Variants in ATF2 observed in about 807,000 individuals in gnomAD.
ATF2 encodes the protein activating transcription factor 2.
In ATF2, 24 loss-of-function variants were observed where a neutral mutation model predicts 60.6. The observed-to-expected ratio is 0.40, with a 90% CI of 0.29 to 0.56. The LOEUF is 0.56. Among genes scored for constraint, ATF2 ranks in the 20% least tolerant of loss-of-function variants. The pLI, the probability that ATF2 is intolerant of heterozygous loss-of-function variation, is 0.54. For synonymous variants in ATF2, 206 were observed against 215.4 expected (o/e 0.96, Z 0.38); for missense variants, 433 against 607.7 (o/e 0.71, Z 3.02).
At chr2:175,158,793 C>T (rs1460843359) in intron 1 of ATF2, among the ~76,000 whole-genome samples, 1 of 149,512 alleles carries the variant, frequency 6.7e-6, no homozygotes, top group Non-Finnish European at 1.5e-5. Context: ...TGATCCTCTA[C>T]AGTAAAAAAA....
intron 2 of ATF2, among the ~76,000 whole-genome samples, chr2:175,144,510 C>T (rs1698813820): frequency 6.6e-6 from 1 of 152,126 alleles, no homozygotes; most frequent in African/African-American, 2.4e-5. Flanking sequence ...AAGAAATTAA[C>T]CGGCAAAACA....
chr2:175,159,070 C>A (rs61454205), intron 1 of ATF2, among the ~76,000 whole-genome samples: 5,983 of 152,190 alleles, frequency 0.039, 382 homozygotes, highest in African/African-American at 0.14. Flanking sequence ...GTAATCCCAG[C>A]ACTTTGGGAG....
At chr2:175,102,961 T>C (rs377534196) in intron 10 of ATF2, among the ~76,000 whole-genome samples, 1 of 152,212 alleles carries the variant, frequency 6.6e-6, no homozygotes, top group South Asian at 2.1e-4. Context: ...GAAAACTCTT[T>C]TTCTTAGAGA....
intron 12 of ATF2, among the ~76,000 whole-genome samples, chr2:175,089,364 G>C (rs1328771124): frequency 1.3e-5 from 2 of 151,908 alleles, no homozygotes; most frequent in African/African-American, 4.8e-5. Context: ...ATATGTATTT[G>C]GTAAAAATAT....
intron 13 of ATF2, among the ~76,000 whole-genome samples, chr2:175,075,273 T>G (rs976181491): frequency 1.3e-5 from 2 of 152,182 alleles, no homozygotes; most frequent in Admixed American, 6.6e-5. Context: ...AAATTATATC[T>G]TCAAATTATT....
chr2:175,076,092 T>G (rs1323304560), intron 13 of ATF2, among the ~76,000 whole-genome samples: 1 of 152,178 alleles, frequency 6.6e-6, no homozygotes, highest in African/African-American at 2.4e-5. Context: ...ACTTAGCCTA[T>G]GATTTGCAAT....
At chr2:175,137,715 T>C (rs1698235713) in intron 2 of ATF2, among the ~76,000 whole-genome samples, 1 of 152,096 alleles carries the variant, frequency 6.6e-6, no homozygotes, top group Admixed American at 6.5e-5. Flanking sequence ...CTTGGTACCC[T>C]TCTCCTTAAT....
chr2:175,087,191 GAT>G (rs1198225918), intron 12 of ATF2, among the ~76,000 whole-genome samples: 1 of 152,128 alleles, frequency 6.6e-6, no homozygotes, highest in Admixed American at 6.6e-5. Context: ...ATACTTGCAG[GAT>G]ATGTTAGTTA....
At chr2:175,159,638 T>C (rs569203790) in intron 1 of ATF2, among the ~76,000 whole-genome samples, 1 of 152,330 alleles carries the variant, frequency 6.6e-6, no homozygotes, top group South Asian at 2.1e-4. Flanking sequence ...TGAAATCAGT[T>C]CAATATCTCA....
chr2:175,115,620 G>A (rs1281581212), intron 7 of ATF2, among the ~76,000 whole-genome samples: 2 of 152,150 alleles, frequency 1.3e-5, no homozygotes, highest in Non-Finnish European at 2.9e-5. Context: ...CCTGTATGCT[G>A]CCACTTATCA....
chr2:175,166,881 T>C (rs1018110469), intron 1 of ATF2, among the ~76,000 whole-genome samples: 4 of 152,212 alleles, frequency 2.6e-5, no homozygotes, highest in Non-Finnish European at 5.9e-5. Context: ...ACTTTCACAT[T>C]ATAATTTAGG....
rs190208438 is a variant in ATF2, at chr2:175,141,487, T to A, written c.-43-5001A>T. On this transcript the variant is annotated intron_variant, in intron 2 of 13. Transcript: ENST00000264110. The stretch of plus-strand genomic sequence containing the variant: ...AATCAACATAAAACTATAAACATAT[T>A]TTTCTTTTCTTTTTTTTCTTTTCGG... Among the ~76,000 whole-genome samples the A allele has an allele frequency of 3.4e-3, 520 of 152,120 alleles. 4 individuals carry two copies. The highest frequency in any genetic ancestry group is 0.012 in the African/African-American group (502 of 41,500).
At chr2:175,090,997 T>C (rs761308243) in intron 12 of ATF2, among the ~76,000 whole-genome samples, 2 of 152,250 alleles carry the variant, frequency 1.3e-5, no homozygotes, top group South Asian at 2.1e-4. Flanking sequence ...AGTGTAACTA[T>C]GGAAACAGCA....
intron 13 of ATF2, chr2:175,075,143 G>T: frequency 9.5e-7 from 1 of 1,054,164 alleles, no homozygotes; most frequent in Non-Finnish European, 1.2e-6. Flanking sequence ...GTCTCTTACA[G>T]ATACAATCAA....
At position 175,118,436 on chromosome 2, in the gene ATF2, AAGTTAACAAATTAGCAGGACTGG is replaced by A; in HGVS notation, c.200-90_200-68del. The A allele has an allele frequency of 3.1e-6, 4 of 1,303,954 alleles. No homozygotes were observed. In the South Asian group the frequency reaches 5.3e-5, roughly 17 times the overall value. The allele number at this position is 1,303,954 out of a possible 1,614,324, so 80.8% of individuals were successfully genotyped here. ...GTTAAGACTCTAAAATATAGCTACTAAGTTAACAAATTAGCAGGACTGGTTCAGTCAGTTGTTAATTCTCTCTT... is the reference window on the plus strand; with the variant it reads ...GTTAAGACTCTAAAATATAGCTACTATTCAGTCAGTTGTTAATTCTCTCTT... On this transcript the variant is annotated intron_variant, in intron 5 of 13. Coordinates refer to ENST00000264110, the MANE Select transcript of ATF2 (RefSeq NM_001880.4).
At chr2:175,093,027 G>C (rs771135033) in intron 12 of ATF2, 34 bp downstream of exon 12, 1 of 1,583,912 alleles carries the variant, frequency 6.3e-7, no homozygotes, top group Non-Finnish European at 8.6e-7. Flanking sequence ...TATTAAAAAA[G>C]AAATAAAACA....
chr2:175,114,360 T>C (rs572099207), intron 8 of ATF2: 4 of 1,258,392 alleles, frequency 3.2e-6, no homozygotes, highest in Admixed American at 3.9e-5. Flanking sequence ...TGAGAAAAAC[T>C]GTCATCAGAG....
intron 10 of ATF2, among the ~76,000 whole-genome samples, chr2:175,102,172 C>T (rs1283267023): frequency 6.6e-6 from 1 of 152,064 alleles, no homozygotes; most frequent in Non-Finnish European, 1.5e-5. Context: ...GTCCAATCAC[C>T]ATCTTACAGA....
Position 175,141,654 on chromosome 2 carries a change from G to A in ATF2, c.-43-5168C>T, listed in dbSNP as rs376208738. On this transcript the variant is annotated intron_variant, in intron 2 of 13. Transcript: ENST00000264110. ...ACTACAGGAGCCCGCCACCATGCCC[G>A]GCTAATTTTTTTGTATTTTTAGTAG... 6.2e-4 allele frequency among the ~76,000 whole-genome samples: 94 copies of A among 151,796 alleles called. 1 individual carries two copies. In the South Asian group the frequency reaches 0.011, roughly 17 times the overall value.
Sources: gnomAD v4.1 joint callset for allele counts (sites outside exome capture counted in the v4.1 genomes callset) on GRCh38, gnomAD v4.1.1 for gene constraint, MANE v1.5 for transcripts, NCBI Gene and HGNC (gene_info 2026-07-23, HGNC 2026-07-21) for gene names.